Variants in ETV7 observed in about 807,000 individuals in gnomAD.
The protein encoded by ETV7 is ETS variant transcription factor 7, also known as transcription factor ETV7.
A neutral mutation model predicts 39.1 loss-of-function variants in ETV7; 43 were observed. The ratio of observed to expected loss-of-function variants is 1.10; its 90% CI spans 0.86 to 1.42. The LOEUF (loss-of-function observed/expected upper bound fraction) is 1.42, where lower values mean the gene tolerates loss of function less well. Ranked by LOEUF, ETV7 falls within the 40% of genes most tolerant of loss-of-function variation. The pLI is 0.00. For synonymous variants in ETV7, 196 were observed against 176.6 expected, an observed-to-expected ratio of 1.11 and a Z score of -0.87; for missense variants, 432 against 442.3, an observed-to-expected ratio of 0.98 and a Z score of 0.21.
At chr6:36,379,907 A>G (rs1027618192) in intron 2 of ETV7, among the ~76,000 whole-genome samples, 18 of 152,022 alleles carry the variant, frequency 1.2e-4, no homozygotes, top group African/African-American at 3.9e-4. Context: ...AACATACAAC[A>G]ACAACAGAAA....
chr6:36,364,457 C>T (rs370748553), downstream of ETV7, among the ~76,000 whole-genome samples: 171 of 152,346 alleles, frequency 1.1e-3, 1 homozygote, highest in South Asian at 9.9e-3. Context: ...GTACACCCTC[C>T]GCAGCCGCTG....
At chr6:36,364,586 C>T (rs1258981429), downstream of ETV7, among the ~76,000 whole-genome samples, 2 of 152,258 alleles carry the variant, frequency 1.3e-5, no homozygotes, top group Admixed American at 1.3e-4. Flanking sequence ...GCGCCGCGCA[C>T]AGCCCCAGTT....
chr6:36,363,061 T>C (rs990998085), downstream of ETV7, among the ~76,000 whole-genome samples: 2 of 152,112 alleles, frequency 1.3e-5, no homozygotes, highest in African/African-American at 4.8e-5. Flanking sequence ...CTCTGTAAAA[T>C]GAGGGCCTGG....
At chr6:36,375,681 G>A (rs1332228391) in intron 3 of ETV7, 190 bp downstream of exon 3, 16 of 837,670 alleles carry the variant, frequency 1.9e-5, no homozygotes, top group Non-Finnish European at 3.0e-5. Context: ...GGACTCCCTT[G>A]CTGAAGGCCT....
At chr6:36,385,724 C>A in intron 1 of ETV7, 55 bp from the exon 2 acceptor site, 1 of 1,545,406 alleles carries the variant, frequency 6.5e-7, no homozygotes, top group Non-Finnish European at 8.7e-7. Context: ...GAAGGCTCAG[C>A]CATCTTTAAA....
At chr6:36,372,422 A>G (rs540561816) in intron 4 of ETV7, among the ~76,000 whole-genome samples, 1 of 152,176 alleles carries the variant, frequency 6.6e-6, no homozygotes, top group African/African-American at 2.4e-5. Context: ...TGCTGAGCAG[A>G]CAAGTGACGT....
chr6:36,372,798 C>T (rs899152532), intron 4 of ETV7, among the ~76,000 whole-genome samples: 1 of 146,476 alleles, frequency 6.8e-6, no homozygotes, highest in Non-Finnish European at 1.5e-5. Flanking sequence ...GGGCAGGCAG[C>T]GTGGGTGCAC....
In ETV7 at chr6:36,371,564, C is replaced by T; in HGVS notation, c.434-4G>A. ...ATCTGAGAGGGGCCAGTCACCTCTG[C>T]AAGCAGATGAGCACCAGTGGTAGCA... On this transcript the variant is annotated splice_region_variant and splice_polypyrimidine_tract_variant and intron_variant, in intron 4 of 7. Coordinates refer to ENST00000340181, the MANE Select transcript of ETV7 (RefSeq NM_016135.4). 6.4e-7 allele frequency: 1 copy of T among 1,574,398 alleles called. No homozygotes were observed. Among genetic ancestry groups the T allele is most frequent in the Non-Finnish European group, 8.6e-7 (1 of 1,162,226 alleles).
At position 36,371,368 on chromosome 6, in the gene ETV7, G is replaced by T; in HGVS notation, c.626C>A (p.Pro209His). 1 of 1,600,320 alleles carries T rather than the reference G, an allele frequency of 6.2e-7. No individual in the cohort carries two copies. Residue 209 changes from proline (P) to histidine (H), a missense_variant, in exon 5 of 8, where the codon CCC becomes CAC. By Grantham distance (77) the Pro-to-His change is moderately conservative. Coordinates refer to ENST00000340181, the MANE Select transcript of ETV7 (RefSeq NM_016135.4). ...GCRTQGVCSF[P>H]AMPQAPIDGR... ...GTCAATGGGGGCCTGCGGCATCGCG[G>T]GGAAGGAACAGACCCCCTGGGTCCT...
intron 2 of ETV7, among the ~76,000 whole-genome samples, chr6:36,376,712 G>C (rs1324313349): frequency 2.6e-5 from 4 of 151,546 alleles, no homozygotes; most frequent in Non-Finnish European, 5.9e-5. Flanking sequence ...GGAAGCAGAG[G>C]TTGCAGTGAG....
In ETV7 at chr6:36,371,575, GC is replaced by G; in HGVS notation, c.434-16del. The G allele has an allele frequency of 6.4e-7, 1 of 1,562,976 alleles. No homozygotes were observed. The highest frequency in any genetic ancestry group is 8.7e-7 in the Non-Finnish European group (1 of 1,155,918). On this transcript the variant is annotated splice_polypyrimidine_tract_variant and intron_variant, in intron 4 of 7. Transcript: ENST00000340181. ...GCCAGTCACCTCTGCAAGCAGATGA[GC>G]ACCAGTGGTAGCAGGCAGTGGGCCC...
Position 36,383,284 on chromosome 6 carries a change from G to A in ETV7, c.142+2250C>T, listed in dbSNP as rs77894962. On this transcript the variant is annotated intron_variant, in intron 2 of 7. Transcript: ENST00000340181. ...CAGGGAAGCATAGTTGTGAATCTCCGTGAATCCCACTCCTCCATCCCAGTA... is the reference window on the plus strand; with the variant it reads ...CAGGGAAGCATAGTTGTGAATCTCCATGAATCCCACTCCTCCATCCCAGTA... Among the ~76,000 whole-genome samples the A allele has an allele frequency of 5.4e-3, 818 of 152,120 alleles. 7 individuals carry two copies. The highest frequency in any genetic ancestry group is 0.013 in the African/African-American group (527 of 41,490).
At chr6:36,370,301 G>A (rs1402229763) in intron 5 of ETV7, among the ~76,000 whole-genome samples, 1 of 152,118 alleles carries the variant, frequency 6.6e-6, no homozygotes, top group Admixed American at 6.6e-5. Context: ...AAAGGAGGCC[G>A]AGGTGGGTGG....
chr6:36,367,996 G>A (rs1772814835), intron 6 of ETV7, among the ~76,000 whole-genome samples: 1 of 152,134 alleles, frequency 6.6e-6, no homozygotes, highest in African/African-American at 2.4e-5. Flanking sequence ...TTCTATATGA[G>A]GATTAGACCA....
chr6:36,377,711 C>T (rs1419632613), intron 2 of ETV7, among the ~76,000 whole-genome samples: 1 of 152,164 alleles, frequency 6.6e-6, no homozygotes, highest in African/African-American at 2.4e-5. Flanking sequence ...ATTCATTCAG[C>T]CAATATCTAA....
At chr6:36,362,978 C>T (rs1772554804), downstream of ETV7, among the ~76,000 whole-genome samples, 1 of 152,228 alleles carries the variant, frequency 6.6e-6, no homozygotes. Context: ...AATGAGGTGG[C>T]TTCAGGAGCG....
chr6:36,365,212 A>G (rs1423702990), downstream of ETV7, among the ~76,000 whole-genome samples: 2 of 152,172 alleles, frequency 1.3e-5, no homozygotes, highest in Non-Finnish European at 2.9e-5. Flanking sequence ...GCTTTACCTG[A>G]CGGCTTGCAA....
chr6:36,354,195 T>C (rs1407388348), exon 8 of ETV7: 1 of 85,972 alleles, frequency 1.2e-5, no homozygotes, highest in African/African-American at 7.2e-5. Flanking sequence ...TCCCATCCTA[T>C]GGGTTTTTTT....
At chr6:36,364,242 C>T (rs1772631833), downstream of ETV7, among the ~76,000 whole-genome samples, 1 of 152,242 alleles carries the variant, frequency 6.6e-6, no homozygotes, top group African/African-American at 2.4e-5. Flanking sequence ...ACTCCTCAGC[C>T]CTTGGGTGGT....
Sources: allele counts gnomAD v4.1 joint callset (sites outside exome capture counted in the v4.1 genomes callset), GRCh38; gene constraint gnomAD v4.1.1; transcripts MANE v1.5; gene names NCBI Gene and HGNC (gene_info 2026-07-23, HGNC 2026-07-21).